The following KCNV2 variants were observed in gnomAD, a reference collection of about 807,000 sequenced individuals.
KCNV2 encodes potassium voltage-gated channel modifier subfamily V member 2.
Under a neutral mutation model 37.0 loss-of-function variants are expected in KCNV2, and 65 were observed. The observed-to-expected ratio is 1.76, with a 90% CI of 1.44 to 2.16. The LOEUF (loss-of-function observed/expected upper bound fraction) is 2.16. Among genes scored for constraint, KCNV2 ranks in the 30% most tolerant of loss-of-function variants. The pLI is 0.00. For missense variants in KCNV2, 1,232 were observed against 766.7 expected, an observed-to-expected ratio of 1.61 and a Z score of -7.17; for synonymous variants, 518 against 328.6, an observed-to-expected ratio of 1.58 and a Z score of -6.23.
rs1194936225 is a variant in KCNV2 at position 2,717,762 on chromosome 9, G to C, written c.23G>C (p.Arg8Thr). ...GCCATGCTCAAACAGAGTGAGAGGA[G>C]ACGGTCCTGGAGCTACAGGCCCTGG... MLKQSER[R>T]RSWSYRPWNT... Residue 8 changes from arginine to threonine, a missense_variant, in exon 1 of 2, where the codon AGA becomes ACA. Coordinates refer to ENST00000382082, the MANE Select transcript of KCNV2 (RefSeq NM_133497.4). 1 of 1,614,234 alleles carries C rather than the reference G, an allele frequency of 6.2e-7. No individual in the cohort carries two copies. The highest frequency in any genetic ancestry group is 8.5e-7 in the Non-Finnish European group (1 of 1,180,028).
chr9:2,722,417 T>C (rs1819893387), intron 1 of KCNV2, among the ~76,000 whole-genome samples: 1 of 137,650 alleles, frequency 7.3e-6, no homozygotes, highest in African/African-American at 2.9e-5. Flanking sequence ...ATAAGTTATT[T>C]ATAAATAGAA....
rs761443523 is a variant in KCNV2, at chr9:2,718,823, C to T, written c.1084C>T (p.Arg362Cys). 1.2e-6 allele frequency: 2 copies of T among 1,609,922 alleles called. No individual in the cohort carries two copies. The highest frequency in any genetic ancestry group is 8.5e-7 in the Non-Finnish European group (1 of 1,179,914). ...GTGCTTCACGGGCGAGGGCCACCAACGCGGCCAGACGGTGGGCAGCGTGGG... is the reference window on the plus strand; with the variant it reads ...GTGCTTCACGGGCGAGGGCCACCAATGCGGCCAGACGGTGGGCAGCGTGGG... ...LECFTGEGHQ[R>C]GQTVGSVGKV... is the part of the protein sequence containing the mutation. Residue 362 changes from arginine (R) to cysteine (C), a missense_variant, in exon 1 of 2, where the codon CGC becomes TGC. Arg to Cys is a radical substitution (Grantham distance 180). Transcript: ENST00000382082.
At chr9:2,729,373 C>G in intron 1 of KCNV2, 73 bp from the exon 2 acceptor site, 10 of 1,551,802 alleles carry the variant, frequency 6.4e-6, no homozygotes, top group Non-Finnish European at 8.0e-6. Flanking sequence ...CGCTTCCCTG[C>G]TTGCTCCTCT....
At position 2,718,342 on chromosome 9, in the gene KCNV2, C is replaced by T. The variant is rs772330152; in HGVS notation, c.603C>T (p.Ile201=). The T allele has an allele frequency of 5.6e-6, 9 of 1,603,166 alleles. No homozygotes were observed. The African/African-American group carries it at 9.3e-5, about 17-fold the overall frequency. Reference sequence around the variant, plus strand: ...AGTACACGCCACGCTGCTGCCGCATCTGCTTCGAGGAGCGGCGCGACGAGC... The same window carrying T: ...AGTACACGCCACGCTGCTGCCGCATTTGCTTCGAGGAGCGGCGCGACGAGC... ...RLKYTPRCCR[I]CFEERRDELS... The change falls in exon 1 of 2, where the codon ATC becomes ATT. Residue 201 remains isoleucine (I), a synonymous_variant. Transcript: ENST00000382082.
chr9:2,724,481 G>A (rs889289421), intron 1 of KCNV2, among the ~76,000 whole-genome samples: 11 of 152,198 alleles, frequency 7.2e-5, no homozygotes, highest in Non-Finnish European at 8.8e-5. Context: ...TGGAAAAGCA[G>A]AAAGAGAAAA....
chr9:2,720,873 A>G (rs899961640), intron 1 of KCNV2, among the ~76,000 whole-genome samples: 4 of 152,214 alleles, frequency 2.6e-5, no homozygotes, highest in African/African-American at 9.6e-5. Context: ...AAACACATAA[A>G]GAATAATGTT....
intron 1 of KCNV2, among the ~76,000 whole-genome samples, chr9:2,722,396 GTTAT>G (rs1450600677): frequency 3.7e-5 from 5 of 135,278 alleles, no homozygotes; most frequent in Admixed American, 2.2e-4. Flanking sequence ...TAAATTAGAA[GTTAT>G]TTATAAATAA....
At chr9:2,720,258 A>T (rs1426213772) in intron 1 of KCNV2, among the ~76,000 whole-genome samples, 3 of 152,348 alleles carry the variant, frequency 2.0e-5, no homozygotes, top group Admixed American at 6.5e-5. Flanking sequence ...ACCTGATTCT[A>T]GTCCCAGACC....
intron 1 of KCNV2, among the ~76,000 whole-genome samples, chr9:2,729,070 G>A (rs1253029248): frequency 1.3e-5 from 2 of 152,118 alleles, no homozygotes; most frequent in Non-Finnish European, 2.9e-5. Flanking sequence ...TCTGGTGCCA[G>A]CTGAGTTAGG....
At position 2,729,573 on chromosome 9, in the gene KCNV2, A is replaced by AGTTTTCTGATTACTACAGCAAGCT; in HGVS notation, c.1486_1509dup (p.Phe496_Leu503dup). The stretch of plus-strand genomic sequence containing the variant: ...ATGCCCATTTCCATCCTCTACAACA[A>AGTTTTCTGATTACTACAGCAAGCT]GTTTTCTGATTACTACAGCAAGCTG... On this transcript the variant is annotated inframe_insertion, in exon 2 of 2. Coordinates refer to ENST00000382082, the MANE Select transcript of KCNV2 (RefSeq NM_133497.4). 3.7e-6 allele frequency: 6 copies of AGTTTTCTGATTACTACAGCAAGCT among 1,613,960 alleles called. No homozygotes were observed. The highest frequency in any genetic ancestry group is 5.1e-6 in the Non-Finnish European group (6 of 1,179,996).
chr9:2,718,868 C>T lies in KCNV2; in HGVS notation c.1129C>T (p.Arg377Cys), dbSNP rs143664586. ...CGTGGGTAAGGTGGGTCAGGTGTTG[C>T]GCGTCATGCGCCTCATGCGCATCTT... Reference protein sequence around the residue: ...GSVGKVGQVLRVMRLMRIFRI... With the variant: ...GSVGKVGQVLCVMRLMRIFRI... Residue 377 changes from arginine to cysteine, a missense_variant, in exon 1 of 2, where the codon CGC becomes TGC. Physicochemically the swap from Arg to Cys is radical, Grantham distance 180. Coordinates refer to ENST00000382082, the MANE Select transcript of KCNV2 (RefSeq NM_133497.4). 3.7e-6 allele frequency: 6 copies of T among 1,608,756 alleles called. No individual in the cohort carries two copies. The highest frequency in any genetic ancestry group is 1.7e-5 in the Admixed American group (1 of 60,008).
intron 1 of KCNV2, among the ~76,000 whole-genome samples, chr9:2,725,181 C>T (rs1438095068): frequency 3.3e-5 from 5 of 152,194 alleles, no homozygotes; most frequent in African/African-American, 7.2e-5. Flanking sequence ...TAATAGATCT[C>T]AAACTTACAT....
intron 1 of KCNV2, among the ~76,000 whole-genome samples, chr9:2,724,456 GA>G (rs371625064): frequency 6.6e-6 from 1 of 151,812 alleles, no homozygotes; most frequent in East Asian, 1.9e-4. Flanking sequence ...ACTAGAAGAA[GA>G]AAAAAAAGAA....
At chr9:2,727,501 T>A (rs1048790641) in intron 1 of KCNV2, among the ~76,000 whole-genome samples, 27 of 152,122 alleles carry the variant, frequency 1.8e-4, no homozygotes, top group African/African-American at 6.3e-4. Context: ...TATCACTGCC[T>A]CACATCACCC....
At position 2,717,914 on chromosome 9, in the gene KCNV2, G is replaced by C. The variant is rs753070311; in HGVS notation, c.175G>C (p.Glu59Gln). Residue 59 changes from glutamate to glutamine, a missense_variant, in exon 1 of 2, where the codon GAA becomes CAA. Glu to Gln is a conservative substitution (Grantham distance 29). Coordinates refer to ENST00000382082, the MANE Select transcript of KCNV2 (RefSeq NM_133497.4). ...GNYNYYIEED[E>Q]DGEEEDQWKD... ...CTATAACTACTACATCGAGGAAGACGAAGACGGCGAGGAGGAGGACCAGTG... is the reference window on the plus strand; with the variant it reads ...CTATAACTACTACATCGAGGAAGACCAAGACGGCGAGGAGGAGGACCAGTG... The C allele has an allele frequency of 6.2e-7, 1 of 1,614,182 alleles. No individual in the cohort carries two copies. The highest frequency in any genetic ancestry group is 1.1e-5 in the South Asian group (1 of 91,082).
Position 2,719,019 on chromosome 9 carries a change from C to T in KCNV2, c.1280C>T (p.Ala427Val), listed in dbSNP as rs201361335. 6 of 1,612,770 alleles carry T rather than the reference C, an allele frequency of 3.7e-6. No individual in the cohort carries two copies. Among genetic ancestry groups the T allele is most frequent in the Admixed American group, 1.7e-5 (1 of 60,010 alleles). Reference protein sequence around the residue: ...FIAMGIFTFSAAVYSVEHDVP... With the variant: ...FIAMGIFTFSVAVYSVEHDVP... ...GCCATGGGCATCTTCACTTTCTCTGCGGCTGTCTACTCTGTGGAGCACGAT... is the reference window on the plus strand; with the variant it reads ...GCCATGGGCATCTTCACTTTCTCTGTGGCTGTCTACTCTGTGGAGCACGAT... Residue 427 changes from alanine to valine, a missense_variant, in exon 1 of 2, where the codon GCG becomes GTG. Transcript: ENST00000382082.
rs1160033568 is a variant in KCNV2 at position 2,718,801 on chromosome 9, C to G, written c.1062C>G (p.Cys354Trp). 6.2e-7 allele frequency: 1 copy of G among 1,610,530 alleles called. No individual in the cohort carries two copies. Among genetic ancestry groups the G allele is most frequent in the Non-Finnish European group, 8.5e-7 (1 of 1,179,900 alleles). The change falls in exon 1 of 2, where the codon TGC (cysteine) becomes TGG (tryptophan). Residue 354 changes from cysteine to tryptophan, a missense_variant. Transcript: ENST00000382082. ...LPLYLQLLLE[C>W]FTGEGHQRGQ... ...TCTACCTTCAGCTGCTGCTCGAGTG[C>G]TTCACGGGCGAGGGCCACCAACGCG...
In KCNV2 at chr9:2,718,030, C is replaced by T. The variant is rs113456345; in HGVS notation, c.291C>T (p.Ser97=). 4.4e-4 allele frequency: 709 copies of T among 1,612,374 alleles called. 5 individuals carry two copies. In the African/African-American group the frequency reaches 8.2e-3, roughly 19 times the overall value. ...EGPSDPPALL[S]TLNVNVGGHS... ...CCAGCGACCCTCCGGCCCTGCTGTCCACGCTGAATGTGAACGTGGGTGGCC... is the reference window on the plus strand; with the variant it reads ...CCAGCGACCCTCCGGCCCTGCTGTCTACGCTGAATGTGAACGTGGGTGGCC... Residue 97 remains serine, a synonymous_variant, in exon 1 of 2, where the codon TCC becomes TCT. Transcript: ENST00000382082.
Position 2,718,668 on chromosome 9 carries a change from T to G in KCNV2, c.929T>G (p.Met310Arg), listed in dbSNP as rs747021960. ...CTGGAGCACGTGGAGATGCTGTGCATGGGCTTCTTCACGCTCGAGTACCTG... is the reference window on the plus strand; with the variant it reads ...CTGGAGCACGTGGAGATGCTGTGCAGGGGCTTCTTCACGCTCGAGTACCTG... ...PILEHVEMLCMGFFTLEYLLR... is the reference protein window; with the variant it reads ...PILEHVEMLCRGFFTLEYLLR... Residue 310 changes from methionine (M) to arginine (R), a missense_variant, in exon 1 of 2, where the codon ATG (methionine) becomes AGG (arginine). Coordinates refer to ENST00000382082, the MANE Select transcript of KCNV2 (RefSeq NM_133497.4). 4 of 1,613,408 alleles carry G rather than the reference T, an allele frequency of 2.5e-6. No homozygotes were observed. Among genetic ancestry groups the G allele is most frequent in the Non-Finnish European group, 3.4e-6 (4 of 1,179,832 alleles).
Sources: allele counts gnomAD v4.1 joint callset (sites outside exome capture counted in the v4.1 genomes callset), GRCh38; gene constraint gnomAD v4.1.1; transcripts MANE v1.5; gene names NCBI Gene and HGNC (gene_info 2026-07-23, HGNC 2026-07-21).